EXOSC4: variants seen among roughly 807,000 people sequenced by gnomAD.
EXOSC4 encodes the protein exosome complex component RRP41.
EXOSC4 carries 14 observed loss-of-function variants against 20.0 expected under a neutral mutation model. The ratio of observed to expected loss-of-function variants is 0.70; its 90% CI spans 0.46 to 1.09. EXOSC4 has a LOEUF of 1.09. EXOSC4 is among the 50% of genes least tolerant of loss of function. The probability of loss-of-function intolerance (pLI) is 0.00; values close to 1 mark genes in which losing one functional copy is unlikely to be tolerated. For missense variants in EXOSC4, 337 were observed against 334.0 expected, an observed-to-expected ratio of 1.01 and a Z score of -0.07; for synonymous variants, 148 against 146.4, an observed-to-expected ratio of 1.01 and a Z score of -0.08.
the EXOSC4 span, among the ~76,000 whole-genome samples, chr8:144,072,996 A>G: frequency 6.6e-6 from 1 of 152,386 alleles, no homozygotes. Flanking sequence ...TAGCTTATGC[A>G]AAGGCCCATG....
upstream of EXOSC4, chr8:144,078,635 A>T (rs1835861185): frequency 7.7e-7 from 1 of 1,303,498 alleles, no homozygotes; most frequent in Non-Finnish European, 9.9e-7. The surrounding 1 kb of genome is among the most constrained non-coding windows in gnomAD (Gnocchi z 4.7). Flanking sequence ...GACCTCCGGA[A>T]ACCGTAGATT....
chr8:144,078,566 G>A (rs1835859897), upstream of EXOSC4: 1 of 701,778 alleles, frequency 1.4e-6, no homozygotes, highest in South Asian at 3.2e-5. This position sits in a 1 kb window ranked among gnomAD's most constrained non-coding sequence, Gnocchi z 4.7. Flanking sequence ...GGAAACCGCA[G>A]ATCCACGGAG....
Position 144,078,896 on chromosome 8 carries a change from C to A in EXOSC4, c.168C>A (p.His56Gln). The change falls in exon 1 of 3, where the codon CAC (histidine) becomes CAA (glutamine). Residue 56 changes from histidine to glutamine, a missense_variant. Transcript: ENST00000316052. The surrounding 1 kb of genome is among the most constrained non-coding windows in gnomAD (Gnocchi z 4.7). ...TKALAVVYGP[H>Q]EIRGSRARAL... Reference sequence around the variant, plus strand: ...CACTGGCTGTGGTCTACGGCCCGCACGAGGCGAGTGGGCGCGCGGGATGGG... The same window carrying A: ...CACTGGCTGTGGTCTACGGCCCGCAAGAGGCGAGTGGGCGCGCGGGATGGG... 1.4e-6 allele frequency: 2 copies of A among 1,476,102 alleles called. No homozygotes were observed. The highest frequency in any genetic ancestry group is 9.0e-7 in the Non-Finnish European group (1 of 1,109,348). 91.4% of individuals were successfully genotyped at this position (1,476,102 alleles called of 1,614,324 possible). A position where few individuals can be genotyped will look rare whatever the true frequency, so the allele number is the denominator to read the frequency against.
At chr8:144,072,860 G>A in the EXOSC4 span, among the ~76,000 whole-genome samples, 1 of 152,248 alleles carries the variant, frequency 6.6e-6, no homozygotes, top group Admixed American at 6.5e-5. Context: ...ACAAGGGGGT[G>A]CAGGTGTCCC....
chr8:144,072,028 G>A, the EXOSC4 span, among the ~76,000 whole-genome samples: 1 of 152,174 alleles, frequency 6.6e-6, no homozygotes, highest in South Asian at 2.1e-4. Context: ...TGGGGTATAT[G>A]TGATACTGTG....
rs184074068 is a variant in EXOSC4, at chr8:144,080,146, G to A, written c.375G>A (p.Val125=). The change falls in exon 2 of 3, where the codon GTG becomes GTA. Residue 125 remains valine, a synonymous_variant. Transcript: ENST00000316052. The surrounding 1 kb of genome is among the most constrained non-coding windows in gnomAD (Gnocchi z 4.9). ...LHPRSQIDIY[V]QVLQADGGTY... ...CACGCTCCCAGATTGATATCTATGT[G>A]CAGGTGAGCCAGCTGCAGCCGTCAA... 2.2e-5 allele frequency: 36 copies of A among 1,610,462 alleles called. No homozygotes were observed. The African/African-American group carries it at 3.6e-4, about 16-fold the overall frequency.
the EXOSC4 span, among the ~76,000 whole-genome samples, chr8:144,070,092 T>C: frequency 1.3e-5 from 2 of 152,242 alleles, no homozygotes; most frequent in African/African-American, 2.4e-5. Context: ...GCCAGTTTCT[T>C]TCTAGTAAAC....
At chr8:144,078,529 C>T, upstream of EXOSC4, 1 of 477,834 alleles carries the variant, frequency 2.1e-6, no homozygotes, top group Non-Finnish European at 3.4e-6. The surrounding 1 kb of genome is among the most constrained non-coding windows in gnomAD (Gnocchi z 4.7). Flanking sequence ...TCCAGTTCAC[C>T]AGGACAGGAA....
At chr8:144,079,584 G>A (rs1835874733) in intron 1 of EXOSC4, 1 of 392,808 alleles carries the variant, frequency 2.5e-6, no homozygotes, top group African/African-American at 2.1e-5. Context: ...TCCCGGGGAG[G>A]TGAGGACTTA....
In EXOSC4 at chr8:144,078,743, G is replaced by C. The variant is rs782160353; in HGVS notation, c.15G>C (p.Glu5Asp). 1.4e-6 allele frequency: 2 copies of C among 1,477,374 alleles called. No individual in the cohort carries two copies. Among genetic ancestry groups the C allele is most frequent in the East Asian group, 2.7e-5 (1 of 36,458 alleles). 91.5% of individuals were successfully genotyped at this position (1,477,374 alleles called of 1,614,324 possible). A position where few individuals can be genotyped will look rare whatever the true frequency, so the allele number is the denominator to read the frequency against. Residue 5 changes from glutamate (E) to aspartate (D), a missense_variant, in exon 1 of 3, where the codon GAG (glutamate) becomes GAC (aspartate). Glu to Asp is a conservative substitution (Grantham distance 45). Transcript: ENST00000316052. The surrounding 1 kb of genome is among the most constrained non-coding windows in gnomAD (Gnocchi z 4.7). The stretch of plus-strand genomic sequence containing the variant: ...GGCCGGGCAGCATGGCGGGGCTGGA[G>C]CTCTTGTCGGACCAGGGCTACCGGG... MAGL[E>D]LLSDQGYRVD...
chr8:144,069,631 CAA>C, the EXOSC4 span, among the ~76,000 whole-genome samples: 1 of 152,248 alleles, frequency 6.6e-6, no homozygotes, highest in Non-Finnish European at 1.5e-5. Context: ...ATCTCATCTG[CAA>C]AGTCTTTTTT....
the EXOSC4 span, among the ~76,000 whole-genome samples, chr8:144,064,488 G>A: frequency 2.6e-5 from 4 of 152,266 alleles, no homozygotes; most frequent in African/African-American, 9.6e-5. Flanking sequence ...AGGGCTACAG[G>A]GGCAGAGCCA....
the EXOSC4 span, among the ~76,000 whole-genome samples, chr8:144,071,425 A>G: frequency 2.7e-5 from 4 of 149,524 alleles, no homozygotes; most frequent in African/African-American, 9.9e-5. Flanking sequence ...AGCTGGGATT[A>G]TAGGCATGCG....
chr8:144,077,120 C>A (rs1394344000), upstream of EXOSC4, among the ~76,000 whole-genome samples: 3 of 151,124 alleles, frequency 2.0e-5, no homozygotes, highest in Admixed American at 2.0e-4. Context: ...GCCTGTAATC[C>A]CACCTTCCCA....
rs1554763269 is a variant in EXOSC4, at chr8:144,080,134, T to C, written c.363T>C (p.Ile121=). Residue 121 remains isoleucine (I), a synonymous_variant, in exon 2 of 3, where the codon ATT becomes ATC. Transcript: ENST00000316052. The surrounding 1 kb of genome is among the most constrained non-coding windows in gnomAD (Gnocchi z 4.9). ...CACAGCTGCACCCACGCTCCCAGAT[T>C]GATATCTATGTGCAGGTGAGCCAGC... ...ILTQLHPRSQ[I]DIYVQVLQAD... The C allele has an allele frequency of 1.1e-5, 18 of 1,612,454 alleles. No homozygotes were observed. The highest frequency in any genetic ancestry group is 1.5e-5 in the Non-Finnish European group (18 of 1,178,722).
the EXOSC4 span, among the ~76,000 whole-genome samples, chr8:144,064,636 C>T: frequency 2.0e-5 from 3 of 152,190 alleles, no homozygotes; most frequent in Non-Finnish European, 4.4e-5. Context: ...GAGGTTGCAG[C>T]GAGCAGGCAG....
At chr8:144,076,628 C>G, upstream of EXOSC4, among the ~76,000 whole-genome samples, 1 of 152,174 alleles carries the variant, frequency 6.6e-6, no homozygotes, top group East Asian at 1.9e-4. Flanking sequence ...TTCCACTGAT[C>G]TTGAAGTAGC....
chr8:144,072,274 G>A, the EXOSC4 span, among the ~76,000 whole-genome samples: 2 of 152,056 alleles, frequency 1.3e-5, no homozygotes, highest in Non-Finnish European at 2.9e-5. Flanking sequence ...TCCACCTCCC[G>A]GGTTCCAGTG....
At position 144,080,319 on chromosome 8, in the gene EXOSC4, C is replaced by T. The variant is rs1554763302; in HGVS notation, c.456C>T (p.Pro152=). ...TGGCAGTGCTGGATGCCGGGATACC[C>T]ATGAGAGACTTTGTGTGTGCGTGCT... ...ATLAVLDAGI[P]MRDFVCACSA... is the part of the protein sequence containing the mutation. The change falls in exon 3 of 3, where the codon CCC becomes CCT. Residue 152 remains proline, a synonymous_variant. Transcript: ENST00000316052. The surrounding 1 kb of genome is among the most constrained non-coding windows in gnomAD (Gnocchi z 4.9). 3 of 1,613,764 alleles carry T rather than the reference C, an allele frequency of 1.9e-6. No individual in the cohort carries two copies. In the South Asian group the frequency reaches 3.3e-5, roughly 18 times the overall value.
Sources: allele counts gnomAD v4.1 joint callset (sites outside exome capture counted in the v4.1 genomes callset), GRCh38; gene constraint gnomAD v4.1.1; non-coding constraint Gnocchi (gnomAD v3.1); transcripts MANE v1.5; gene names NCBI Gene and HGNC (gene_info 2026-07-23, HGNC 2026-07-21).